The following LANCL3 variants were observed in gnomAD, a reference collection of about 807,000 sequenced individuals.
The protein encoded by LANCL3 is LanC like family member 3.
In LANCL3, 19 loss-of-function variants were observed where a neutral mutation model predicts 26.5. The observed-to-expected ratio is 0.72, with a 90% confidence interval of 0.50 to 1.05. LANCL3 has a LOEUF of 1.05. Among genes scored for constraint, LANCL3 ranks in the 50% least tolerant of loss-of-function variants. LANCL3 has a pLI of 0.00. For missense variants in LANCL3, 318 were observed against 362.7 expected (o/e 0.88, Z 1.00); for synonymous variants, 160 against 166.6 (o/e 0.96, Z 0.30).
chrX:37,622,677 A>G (rs1005766781), intron 1 of LANCL3, among the ~76,000 whole-genome samples: 2 of 111,712 alleles, frequency 1.8e-5, no homozygotes, highest in African/African-American at 6.5e-5. Flanking sequence ...CCTTCACAAC[A>G]TGATATGTTA....
chrX:37,675,719 GC>G lies in LANCL3; in HGVS notation c.1170del (p.Leu391CysfsTer12). 8.6e-7 allele frequency: 1 copy of G among 1,160,789 alleles called. No homozygotes were observed. The highest frequency in any genetic ancestry group is 1.2e-6 in the Non-Finnish European group (1 of 868,187). On this transcript the variant is annotated frameshift_variant, in exon 5 of 5. Transcript: ENST00000378619. LOFTEE classifies it high-confidence loss of function. ...AGSRVLESIY[S>X]LYEGFSGTVC... is the part of the protein sequence containing the mutation. The stretch of plus-strand genomic sequence containing the variant: ...TCTCGGGTCCTTGAAAGTATATACA[GC>G]TTGTATGAAGGCTTCTCTGGGACAG...
chrX:37,657,684 T>C (rs145796925), intron 2 of LANCL3, among the ~76,000 whole-genome samples: 4,279 of 110,689 alleles, frequency 0.039, 214 homozygotes, highest in African/African-American at 0.13. Context: ...TCTGGCTTTT[T>C]ACATATATAT....
chrX:37,655,448 G>C (rs1569469342), intron 1 of LANCL3, among the ~76,000 whole-genome samples: 1 of 112,165 alleles, frequency 8.9e-6, no homozygotes, highest in South Asian at 3.8e-4. Flanking sequence ...GCAACCTATA[G>C]CTGTAAAGGT....
chrX:37,599,755 A>T (rs1924533415), intron 1 of LANCL3, among the ~76,000 whole-genome samples: 1 of 112,315 alleles, frequency 8.9e-6, no homozygotes, highest in Non-Finnish European at 1.9e-5. Flanking sequence ...AGATGTTCAC[A>T]GTCTTCTTAG....
intron 1 of LANCL3, among the ~76,000 whole-genome samples, chrX:37,607,611 A>G (rs1281942474): frequency 8.9e-6 from 1 of 112,739 alleles, no homozygotes; most frequent in Non-Finnish European, 1.9e-5. Context: ...AATCTTTCAT[A>G]ACATTTGTCA....
At chrX:37,669,946 T>C (rs1204462908) in intron 4 of LANCL3, among the ~76,000 whole-genome samples, 1 of 112,323 alleles carries the variant, frequency 8.9e-6, no homozygotes, top group Non-Finnish European at 1.9e-5. Flanking sequence ...TAAGGGACAT[T>C]CTTTATTTCA....
chrX:37,645,410 C>T (rs1292977915), intron 1 of LANCL3, among the ~76,000 whole-genome samples: 1 of 111,910 alleles, frequency 8.9e-6, no homozygotes, highest in Non-Finnish European at 1.9e-5. Flanking sequence ...AAGGGACTTG[C>T]TCATTCTGCA....
At chrX:37,672,834 T>C (rs1380194015) in intron 4 of LANCL3, among the ~76,000 whole-genome samples, 3 of 111,843 alleles carry the variant, frequency 2.7e-5, no homozygotes, top group African/African-American at 6.5e-5. Context: ...CTGGTTCTGT[T>C]TTAACTTGGA....
chrX:37,627,751 A>G (rs1031215877), intron 1 of LANCL3, among the ~76,000 whole-genome samples: 2 of 112,007 alleles, frequency 1.8e-5, no homozygotes, highest in African/African-American at 3.3e-5. Context: ...ACTGAGGTCT[A>G]TGATTAACAC....
intron 4 of LANCL3, among the ~76,000 whole-genome samples, chrX:37,669,397 C>A (rs1286549918): frequency 5.4e-5 from 6 of 111,075 alleles, no homozygotes; most frequent in African/African-American, 2.0e-4. Context: ...GAATTGTAAT[C>A]CCCAGTGTTG....
At chrX:37,608,172 G>C (rs1214319029) in intron 1 of LANCL3, among the ~76,000 whole-genome samples, 1 of 112,079 alleles carries the variant, frequency 8.9e-6, no homozygotes, top group Admixed American at 9.5e-5. Flanking sequence ...AGTCCAGAGA[G>C]AGGGGCATAC....
intron 1 of LANCL3, among the ~76,000 whole-genome samples, chrX:37,652,767 G>A (rs782109925): frequency 1.1e-3 from 120 of 111,653 alleles, no homozygotes; most frequent in African/African-American, 3.6e-3. Context: ...CATCTTTGGA[G>A]GCAGTGGGTG....
chrX:37,603,887 A>C (rs2146729011), intron 1 of LANCL3, among the ~76,000 whole-genome samples: 1 of 112,465 alleles, frequency 8.9e-6, no homozygotes, highest in African/African-American at 3.2e-5. Flanking sequence ...AATATACCTA[A>C]AAAATGGGCA....
At chrX:37,576,737 T>C (rs1360196551) in intron 1 of LANCL3, among the ~76,000 whole-genome samples, 13 of 111,465 alleles carry the variant, frequency 1.2e-4, no homozygotes, top group African/African-American at 3.3e-4. Context: ...AGGGATGTAA[T>C]CAGGAACTAA....
intron 4 of LANCL3, among the ~76,000 whole-genome samples, chrX:37,670,645 C>T (rs1926659388): frequency 1.8e-5 from 2 of 110,569 alleles, no homozygotes; most frequent in South Asian, 7.7e-4. Context: ...CCATATTTTC[C>T]CCATATTCCA....
chrX:37,626,653 CT>C, intron 1 of LANCL3, among the ~76,000 whole-genome samples: 1 of 111,343 alleles, frequency 9.0e-6, no homozygotes, highest in African/African-American at 3.3e-5. Flanking sequence ...AAAATGGTAT[CT>C]TTTTTTTCCT....
At chrX:37,574,741 A>G (rs1923699607) in intron 1 of LANCL3, among the ~76,000 whole-genome samples, 2 of 108,867 alleles carry the variant, frequency 1.8e-5, no homozygotes, top group African/African-American at 6.7e-5. Flanking sequence ...CTACACTCCT[A>G]CTCTACTCCT....
At chrX:37,634,969 G>C (rs13441172) in intron 1 of LANCL3, among the ~76,000 whole-genome samples, 3 of 109,785 alleles carry the variant, frequency 2.7e-5, no homozygotes, top group African/African-American at 6.6e-5. Flanking sequence ...AAAAATTATA[G>C]GAATAAAAAT....
intron 1 of LANCL3, among the ~76,000 whole-genome samples, chrX:37,596,709 CTTG>C (rs1305628560): frequency 8.9e-6 from 1 of 112,165 alleles, no homozygotes; most frequent in East Asian, 2.8e-4. Context: ...AAATATCCTA[CTTG>C]TTATATGTTG....
Sources: gnomAD v4.1 joint callset for allele counts (sites outside exome capture counted in the v4.1 genomes callset) on GRCh38, gnomAD v4.1.1 for gene constraint, MANE v1.5 for transcripts, NCBI Gene and HGNC (gene_info 2026-07-23, HGNC 2026-07-21) for gene names.